SIDT2: variants seen among roughly 807,000 people sequenced by gnomAD.
SIDT2 encodes SID1 transmembrane family, member 2.
Under a neutral mutation model 114.4 loss-of-function variants are expected in SIDT2, and 68 were observed. That is an observed-to-expected ratio of 0.59 (90% CI 0.49 to 0.73). The LOEUF (loss-of-function observed/expected upper bound fraction) is 0.73. Among genes scored for constraint, SIDT2 ranks in the 30% least tolerant of loss-of-function variants. The probability of loss-of-function intolerance (pLI) is 0.00; values close to 1 mark genes in which losing one functional copy is unlikely to be tolerated. For synonymous variants in SIDT2, 470 were observed against 438.4 expected (o/e 1.07, Z -0.90); for missense variants, 918 against 1,097.1 (o/e 0.84, Z 2.31).
Position 117,181,407 on chromosome 11 carries a change from G to T in SIDT2, c.184-9G>T, listed in dbSNP as rs767380085. The T allele has an allele frequency of 1.9e-6, 3 of 1,613,208 alleles. No homozygotes were observed. The highest frequency in any genetic ancestry group is 3.3e-5 in the Admixed American group (2 of 59,946). On this transcript the variant is annotated splice_polypyrimidine_tract_variant and intron_variant, in intron 1 of 25. Transcript: ENST00000324225. ...GAGGCTTGAGAGGCATTTCCATGTC[G>T]TTCTGCAGACAGAGGGCGTGCGTGT...
In SIDT2 at chr11:117,187,442, C is replaced by T. The variant is rs1378241838; in HGVS notation, c.1080C>T (p.Gly360=). 1.2e-6 allele frequency: 2 copies of T among 1,614,038 alleles called. No individual in the cohort carries two copies. Among genetic ancestry groups the T allele is most frequent in the Admixed American group, 3.3e-5 (2 of 60,004 alleles). Residue 360 remains glycine, a synonymous_variant, in exon 11 of 26, where the codon GGC becomes GGT. Coordinates refer to ENST00000324225, the MANE Select transcript of SIDT2 (RefSeq NM_001040455.2). ...CCCCTTATGAGGGTTACAACTATGGCTCCTTTGGTACGTGTCAAAGCCAGC... is the reference window on the plus strand; with the variant it reads ...CCCCTTATGAGGGTTACAACTATGGTTCCTTTGGTACGTGTCAAAGCCAGC... ...GSSPYEGYNY[G]SFENVSGSTD...
chr11:117,181,560 G>A, intron 2 of SIDT2, 23 bp downstream of exon 2: 1 of 1,613,824 alleles, frequency 6.2e-7, no homozygotes, highest in Non-Finnish European at 8.5e-7. Context: ...TGGGCATCAG[G>A]GAAGCGGGGC....
At position 117,187,779 on chromosome 11, in the gene SIDT2, C is replaced by T. The variant is rs111775397; in HGVS notation, c.1159+80C>T. The T allele has an allele frequency of 1.4e-4, 194 of 1,388,124 alleles. No homozygotes were observed. In the Middle Eastern group the frequency reaches 1.8e-3, roughly 13 times the overall value. The allele number at this position is 1,388,124 out of a possible 1,614,324, so 86.0% of individuals were successfully genotyped here. On this transcript the variant is annotated intron_variant, in intron 12 of 25. Transcript: ENST00000324225. ...AAAATGTCACGGTGGGCGGTTGCCT[C>T]TTCTGCCAGATGCTGGAACCTGGGA... is the stretch of plus-strand genomic sequence containing the variant.
chr11:117,184,176 C>A, intron 8 of SIDT2, 37 bp downstream of exon 8: 1 of 1,601,966 alleles, frequency 6.2e-7, no homozygotes, highest in Non-Finnish European at 8.6e-7. Flanking sequence ...GATGGACAAG[C>A]CTCTCTGGCT....
At position 117,188,737 on chromosome 11, in the gene SIDT2, C is replaced by T. The variant is rs913552829; in HGVS notation, c.1189C>T (p.Pro397Ser). The change falls in exon 13 of 26, where the codon CCC becomes TCC. Residue 397 changes from proline (P) to serine (S), a missense_variant. Transcript: ENST00000324225. This position sits in a 1 kb window ranked among gnomAD's most constrained non-coding sequence, Gnocchi z 4.0. Reference sequence around the variant, plus strand: ...CTCCTTTGAACCTGTAGGTACTCGGCCCCGAGTGGACTCCATGAGCTCTGT... The same window carrying T: ...CTCCTTTGAACCTGTAGGTACTCGGTCCCGAGTGGACTCCATGAGCTCTGT... The part of the protein sequence containing the change: ...GRSFEPVGTR[P>S]RVDSMSSVEE... 1.9e-6 allele frequency: 3 copies of T among 1,614,172 alleles called. No homozygotes were observed. The highest frequency in any genetic ancestry group is 1.7e-5 in the Admixed American group (1 of 60,028).
chr11:117,188,811 T>C lies in SIDT2; in HGVS notation c.1263T>C (p.Asn421=). ...TGACCGACATCGATTCCGACAAGAATGTCATTCGCACCAAGGTCTGACCCG... is the reference window on the plus strand; with the variant it reads ...TGACCGACATCGATTCCGACAAGAACGTCATTCGCACCAAGGTCTGACCCG... The part of the protein sequence containing the change: ...DTLTDIDSDK[N]VIRTKQYLYV... Residue 421 remains asparagine, a synonymous_variant, in exon 13 of 26, where the codon AAT becomes AAC. Coordinates refer to ENST00000324225, the MANE Select transcript of SIDT2 (RefSeq NM_001040455.2). The surrounding 1 kb of genome is among the most constrained non-coding windows in gnomAD (Gnocchi z 4.0). 6.2e-7 allele frequency: 1 copy of C among 1,614,152 alleles called. No individual in the cohort carries two copies. The highest frequency in any genetic ancestry group is 8.5e-7 in the Non-Finnish European group (1 of 1,179,998).
chr11:117,182,188 G>A, intron 4 of SIDT2, 83 bp downstream of exon 4: 1 of 1,521,226 alleles, frequency 6.6e-7, no homozygotes, highest in Non-Finnish European at 9.0e-7. Flanking sequence ...GTCTTTGCTT[G>A]GCCTTTTGAA....
chr11:117,196,188 G>A lies in SIDT2; in HGVS notation c.*122G>A. 7.5e-7 allele frequency: 1 copy of A among 1,337,322 alleles called. No homozygotes were observed. The highest frequency in any genetic ancestry group is 1.0e-6 in the Non-Finnish European group (1 of 962,996). The allele number at this position is 1,337,322 out of a possible 1,614,324, so 82.8% of individuals were successfully genotyped here. On this transcript the variant is annotated 3_prime_UTR_variant, in exon 26 of 26. Coordinates refer to ENST00000324225, the MANE Select transcript of SIDT2 (RefSeq NM_001040455.2). The surrounding 1 kb of genome is among the most constrained non-coding windows in gnomAD (Gnocchi z 4.9). ...CGCTGCCCAGCACTGGATGGCAGCA[G>A]GACAGCCAGGTCTAGCTTAGGCTTG...
At position 117,192,506 on chromosome 11, in the gene SIDT2, G is replaced by C. The variant is rs979639080; in HGVS notation, c.1982-68G>C. 9 of 1,577,134 alleles carry C rather than the reference G, an allele frequency of 5.7e-6. No individual in the cohort carries two copies. The Admixed American group carries it at 6.7e-5, about 12-fold the overall frequency. On this transcript the variant is annotated intron_variant, in intron 20 of 25. Coordinates refer to ENST00000324225, the MANE Select transcript of SIDT2 (RefSeq NM_001040455.2). This position sits in a 1 kb window ranked among gnomAD's most constrained non-coding sequence, Gnocchi z 5.9. The stretch of plus-strand genomic sequence containing the variant: ...AGATCAGGCCTGGGCTCCTCAGCTG[G>C]CACATCCCAGGGGTCCAGCAAAGGA...
intron 6 of SIDT2, 103 bp from the exon 7 acceptor site, chr11:117,183,676 T>A: frequency 1.2e-6 from 1 of 853,644 alleles, no homozygotes; most frequent in South Asian, 1.6e-5. Flanking sequence ...AAGTAAAATA[T>A]ATCTATGAAG....
At chr11:117,180,196 C>T (rs1419566783) in intron 1 of SIDT2, among the ~76,000 whole-genome samples, 1 of 152,102 alleles carries the variant, frequency 6.6e-6, no homozygotes, top group African/African-American at 2.4e-5. Flanking sequence ...CCATGACTGC[C>T]GTTTACTGAG....
chr11:117,181,103 C>T (rs1158207343), intron 1 of SIDT2, among the ~76,000 whole-genome samples: 1 of 152,046 alleles, frequency 6.6e-6, no homozygotes, highest in Non-Finnish European at 1.5e-5. Flanking sequence ...ATCCTGTGCA[C>T]ATGGATAGGA....
intron 8 of SIDT2, chr11:117,185,872 A>T: frequency 7.7e-6 from 1 of 129,150 alleles, no homozygotes; most frequent in Middle Eastern, 2.4e-3. Flanking sequence ...AGCCCGTCTC[A>T]AAAAAAAAAA....
Position 117,187,123 on chromosome 11 carries a change from G to A in SIDT2, c.1016-255G>A. On this transcript the variant is annotated intron_variant, in intron 10 of 25. Coordinates refer to ENST00000324225, the MANE Select transcript of SIDT2 (RefSeq NM_001040455.2). ...TGTTGTCTTTGTTGCTGGTAACTTA[G>A]ATGTGCCTGTTCTTGAACTTTCTCT... 3 of 1,303,928 alleles carry A rather than the reference G, an allele frequency of 2.3e-6. No homozygotes were observed. In the Admixed American group the frequency reaches 6.1e-5, roughly 26 times the overall value. The allele number at this position is 1,303,928 out of a possible 1,614,324, so 80.8% of individuals were successfully genotyped here. A position where few individuals can be genotyped will look rare whatever the true frequency, so the allele number is the denominator to read the frequency against.
intron 12 of SIDT2, chr11:117,187,900 C>T (rs1285783273): frequency 2.9e-6 from 2 of 699,394 alleles, no homozygotes; most frequent in South Asian, 1.5e-5. Context: ...AGGGCACGAC[C>T]AGTTCAAGCG....
intron 8 of SIDT2, 54 bp from the exon 9 acceptor site, chr11:117,186,076 A>G: frequency 2.0e-6 from 3 of 1,485,850 alleles, no homozygotes; most frequent in Non-Finnish European, 2.8e-6. Flanking sequence ...GGGTGCCATG[A>G]TGGGAGGTGG....
In SIDT2 at chr11:117,190,336, AC is replaced by A. The variant is rs766950658; in HGVS notation, c.1617+49del. 6.6e-7 allele frequency: 1 copy of A among 1,518,530 alleles called. No individual in the cohort carries two copies. The highest frequency in any genetic ancestry group is 2.3e-5 in the East Asian group (1 of 43,954). 94.1% of individuals were successfully genotyped at this position (1,518,530 alleles called of 1,614,324 possible). A position where few individuals can be genotyped will look rare whatever the true frequency, so the allele number is the denominator to read the frequency against. On this transcript the variant is annotated intron_variant, in intron 17 of 25. Coordinates refer to ENST00000324225, the MANE Select transcript of SIDT2 (RefSeq NM_001040455.2). This position sits in a 1 kb window ranked among gnomAD's most constrained non-coding sequence, Gnocchi z 4.1. ...TGCCGCAGCCTCAGCTCCAGCACAG[AC>A]CTCAAGCCTTGGCTCCAGGACACCC...
intron 24 of SIDT2, 58 bp downstream of exon 24, chr11:117,194,021 A>T: frequency 7.3e-7 from 1 of 1,371,786 alleles, no homozygotes; most frequent in Non-Finnish European, 1.0e-6. Context: ...CTCTTTTTAA[A>T]CATTGGGGCT....
At position 117,178,756 on chromosome 11, in the gene SIDT2, C is replaced by G. The variant is rs1397988361; in HGVS notation, c.-508C>G. ...AGCTCACTTTTCAGTGTTCGTGCGT[C>G]GGGACGGCGCGTCCGCCCGCCCTTA... is the stretch of plus-strand genomic sequence containing the variant. On this transcript the variant is annotated 5_prime_UTR_variant, in exon 1 of 26. Transcript: ENST00000324225. 1 of 156,674 alleles carries G rather than the reference C, an allele frequency of 6.4e-6. No homozygotes were observed. Among genetic ancestry groups the G allele is most frequent in the East Asian group, 1.9e-4 (1 of 5,256 alleles). The allele number at this position is 156,674 out of a possible 1,614,324, so 9.7% of individuals were successfully genotyped here.
Sources: gnomAD v4.1 joint callset for allele counts (sites outside exome capture counted in the v4.1 genomes callset) on GRCh38, gnomAD v4.1.1 for gene constraint, Gnocchi (gnomAD v3.1) non-coding constraint, MANE v1.5 for transcripts, NCBI Gene and HGNC (gene_info 2026-07-23, HGNC 2026-07-21) for gene names.